TSPAN15: variants seen among roughly 807,000 people sequenced by gnomAD.
TSPAN15 encodes tetraspanin 15, also known as tetraspanin-15.
Under a neutral mutation model 34.5 loss-of-function variants are expected in TSPAN15, and 20 were observed. The observed-to-expected ratio is 0.58, with a 90% confidence interval of 0.41 to 0.84. The LOEUF is 0.84. Ranked by LOEUF, TSPAN15 falls within the 40% of genes least tolerant of loss-of-function variation. The probability of loss-of-function intolerance (pLI) is 0.00; values close to 1 mark genes in which losing one functional copy is unlikely to be tolerated. For missense variants in TSPAN15, 313 were observed against 386.1 expected, an observed-to-expected ratio of 0.81 and a Z score of 1.59; for synonymous variants, 155 against 153.9, an observed-to-expected ratio of 1.01 and a Z score of -0.05.
At chr10:69,519,676 T>C in the TSPAN15 span, among the ~76,000 whole-genome samples, 1 of 152,260 alleles carries the variant, frequency 6.6e-6, no homozygotes, top group Non-Finnish European at 1.5e-5. Flanking sequence ...CTTTCTCTAC[T>C]TTTTGGTGAA....
chr10:69,518,030 C>T, the TSPAN15 span, among the ~76,000 whole-genome samples: 2 of 152,352 alleles, frequency 1.3e-5, no homozygotes, highest in African/African-American at 4.8e-5. Context: ...GTACACCCTT[C>T]CTCAGTTCTA....
intron 1 of TSPAN15, 90 bp downstream of exon 1, chr10:69,451,780 C>A (rs146635955): frequency 1.8e-6 from 2 of 1,094,928 alleles, no homozygotes; most frequent in Non-Finnish European, 2.4e-6. Context: ...CCACACTTAG[C>A]CGCTCCAGGG....
downstream of TSPAN15, among the ~76,000 whole-genome samples, chr10:69,508,697 C>T (rs933725394): frequency 6.6e-6 from 1 of 152,152 alleles, no homozygotes; most frequent in Admixed American, 6.5e-5. Context: ...CTTTAATCCT[C>T]ACGACTAGGG....
At chr10:69,500,421 A>G (rs912656720) in intron 5 of TSPAN15, among the ~76,000 whole-genome samples, 6 of 152,216 alleles carry the variant, frequency 3.9e-5, no homozygotes, top group Admixed American at 1.3e-4. Flanking sequence ...GCAAGAGGAA[A>G]GAGAGGGATT....
chr10:69,539,398 G>GAGGAAC, the TSPAN15 span, among the ~76,000 whole-genome samples: 1 of 83,604 alleles, frequency 1.2e-5, no homozygotes, highest in East Asian at 4.8e-4. Flanking sequence ...GGAAGAGGAA[G>GAGGAAC]AAGAGGAAGA....
the TSPAN15 span, among the ~76,000 whole-genome samples, chr10:69,519,178 A>C: frequency 4.6e-5 from 7 of 152,336 alleles, no homozygotes; most frequent in Admixed American, 2.6e-4. Context: ...GCACTTTGGG[A>C]GGCTGAGACA....
At chr10:69,528,021 C>A in the TSPAN15 span, among the ~76,000 whole-genome samples, 1 of 148,210 alleles carries the variant, frequency 6.7e-6, no homozygotes, top group African/African-American at 2.5e-5. Context: ...TGCTTTTGCC[C>A]AAGTTTTGCT....
intron 1 of TSPAN15, among the ~76,000 whole-genome samples, chr10:69,476,506 A>C (rs1448421875): frequency 6.6e-6 from 1 of 151,198 alleles, no homozygotes; most frequent in Non-Finnish European, 1.5e-5. Context: ...GCAGTGAGCT[A>C]TGATCACGCC....
intron 3 of TSPAN15, among the ~76,000 whole-genome samples, chr10:69,488,926 G>A (rs1181114944): frequency 6.6e-6 from 1 of 152,174 alleles, no homozygotes; most frequent in Non-Finnish European, 1.5e-5. Flanking sequence ...TGCACATATT[G>A]TCTTGATAAA....
chr10:69,523,604 T>G, the TSPAN15 span: 1 of 248,294 alleles, frequency 4.0e-6, no homozygotes, highest in African/African-American at 2.3e-5. Flanking sequence ...GCCCCAGCTC[T>G]GGACGAGGCA....
intron 3 of TSPAN15, among the ~76,000 whole-genome samples, chr10:69,487,527 C>T (rs537201474): frequency 7.9e-5 from 12 of 151,992 alleles, no homozygotes; most frequent in Admixed American, 4.6e-4. Context: ...AGCTCCCGGC[C>T]GCCCTGAGGC....
At chr10:69,518,169 A>G in the TSPAN15 span, among the ~76,000 whole-genome samples, 1 of 152,248 alleles carries the variant, frequency 6.6e-6, no homozygotes, top group South Asian at 2.1e-4. Context: ...ACTGACTTCA[A>G]TTTGCATTGA....
At chr10:69,455,602 T>C (rs76209534) in intron 1 of TSPAN15, among the ~76,000 whole-genome samples, 3,362 of 117,912 alleles carry the variant, frequency 0.029, 119 homozygotes, top group Non-Finnish European at 0.039. Context: ...CTTTCTTTCT[T>C]TCTTTCTCTC....
chr10:69,491,505 G>A (rs111375347), intron 3 of TSPAN15, among the ~76,000 whole-genome samples: 2,479 of 151,650 alleles, frequency 0.016, 66 homozygotes, highest in African/African-American at 0.057. Flanking sequence ...TGGGACTACA[G>A]GTGCATGCCA....
chr10:69,467,636 C>CAA (rs397846878), intron 1 of TSPAN15, among the ~76,000 whole-genome samples: 8 of 119,246 alleles, frequency 6.7e-5, no homozygotes, highest in Admixed American at 2.7e-4. Flanking sequence ...CAAAACAAAA[C>CAA]AACACACACA....
At chr10:69,514,085 A>G in the TSPAN15 span, among the ~76,000 whole-genome samples, 1 of 152,178 alleles carries the variant, frequency 6.6e-6, no homozygotes, top group African/African-American at 2.4e-5. Flanking sequence ...TTGTATTTCT[A>G]GTTTACTCAA....
At chr10:69,463,382 G>A (rs1406960169) in intron 1 of TSPAN15, among the ~76,000 whole-genome samples, 5 of 152,210 alleles carry the variant, frequency 3.3e-5, no homozygotes, top group Non-Finnish European at 7.3e-5. Context: ...TGGTGAAAGA[G>A]GGCCAGACAG....
chr10:69,454,239 C>T (rs12258136), intron 1 of TSPAN15, among the ~76,000 whole-genome samples: 17,803 of 152,142 alleles, frequency 0.12, 1,150 homozygotes, highest in Non-Finnish European at 0.13. Context: ...CTACTGGGGC[C>T]GGGCCCGGTG....
At chr10:69,488,637 C>T (rs771785024) in intron 3 of TSPAN15, among the ~76,000 whole-genome samples, 27 of 152,208 alleles carry the variant, frequency 1.8e-4, no homozygotes, top group Non-Finnish European at 2.5e-4. Context: ...CTGGGGGTGA[C>T]GTCACATTAT....
Sources: gnomAD v4.1 joint callset for allele counts (sites outside exome capture counted in the v4.1 genomes callset) on GRCh38, gnomAD v4.1.1 for gene constraint, MANE v1.5 for transcripts, NCBI Gene and HGNC (gene_info 2026-07-23, HGNC 2026-07-21) for gene names.